Variants in PCNX3 observed in about 807,000 individuals in gnomAD.
The protein encoded by PCNX3 is pecanex-like protein 3.
A neutral mutation model predicts 207.2 loss-of-function variants in PCNX3; 58 were observed. The observed-to-expected ratio is 0.28, with a 90% CI of 0.23 to 0.35. The LOEUF is 0.35. PCNX3 is among the 10% of genes least tolerant of loss of function. The pLI is 1.00. For missense variants in PCNX3, 2,410 were observed against 2,774.4 expected (o/e 0.87, Z 2.95); for synonymous variants, 1,337 against 1,183.5 (o/e 1.13, Z -2.66).
At chr11:65,633,150 G>C (rs974924012) in intron 27 of PCNX3, among the ~76,000 whole-genome samples, 3 of 152,208 alleles carry the variant, frequency 2.0e-5, no homozygotes, top group Non-Finnish European at 4.4e-5. Context: ...CCCTGGCAAA[G>C]GGCCTGCCCC....
In PCNX3 at chr11:65,618,502, C is replaced by T. The variant is rs549683616; in HGVS notation, c.1140C>T (p.Val380=). The change falls in exon 6 of 35, where the codon GTC becomes GTT. Residue 380 remains valine (V), a synonymous_variant. Coordinates refer to ENST00000355703, the MANE Select transcript of PCNX3 (RefSeq NM_032223.4). ...CGGGCCTGGCTGAGCCGCTCCTGGT[C>T]GTGCGGCCCAAGGACTTGGCCCTGC... ...TPPGLAEPLL[V]VRPKDLALLR... 18 of 1,610,240 alleles carry T rather than the reference C, an allele frequency of 1.1e-5. No homozygotes were observed. Among genetic ancestry groups the T allele is most frequent in the South Asian group, 4.4e-5 (4 of 90,768 alleles).
rs1319016104 is a variant in PCNX3, at chr11:65,636,212, G to C, written c.5498G>C (p.Gly1833Ala). ...KGCGAGCNSG[G>A]NVDDSDCSGG... ...TGTGGCGCCGGCTGCAATAGTGGCGGGAACGTGGATGATTCAGACTGTAGT... is the reference window on the plus strand; with the variant it reads ...TGTGGCGCCGGCTGCAATAGTGGCGCGAACGTGGATGATTCAGACTGTAGT... The change falls in exon 33 of 35, where the codon GGG becomes GCG. Residue 1833 changes from glycine to alanine, a missense_variant. Physicochemically the swap from Gly to Ala is moderately conservative, Grantham distance 60. Coordinates refer to ENST00000355703, the MANE Select transcript of PCNX3 (RefSeq NM_032223.4). 3.2e-6 allele frequency: 5 copies of C among 1,583,070 alleles called. No homozygotes were observed. The South Asian group carries it at 4.6e-5, about 15-fold the overall frequency.
Position 65,625,335 on chromosome 11 carries a change from G to A in PCNX3, c.3029+55G>A. ...TCTGCCCAGTAGGGGTTTGTGGTCTGTGCATGTGCCCGTGACTGGGGCCGG... is the reference window on the plus strand; with the variant it reads ...TCTGCCCAGTAGGGGTTTGTGGTCTATGCATGTGCCCGTGACTGGGGCCGG... On this transcript the variant is annotated intron_variant, in intron 17 of 34. Transcript: ENST00000355703. This position sits in a 1 kb window ranked among gnomAD's most constrained non-coding sequence, Gnocchi z 5.6. The A allele has an allele frequency of 6.3e-7, 1 of 1,592,144 alleles. No homozygotes were observed. Among genetic ancestry groups the A allele is most frequent in the Non-Finnish European group, 8.6e-7 (1 of 1,169,172 alleles).
rs540706683 is a variant in PCNX3 at position 65,627,224 on chromosome 11, G to T, written c.3524+176G>T. Among the ~76,000 whole-genome samples, 65 of 152,302 alleles carry T rather than the reference G, an allele frequency of 4.3e-4. 1 individual carries two copies. Among genetic ancestry groups the T allele is most frequent in the Admixed American group, 3.7e-3 (57 of 15,302 alleles). On this transcript the variant is annotated intron_variant, in intron 21 of 34. Transcript: ENST00000355703. Reference sequence around the variant, plus strand: ...TGGTTGCTTCTTCAAAGGCAAATGTGTTCCCACCACTCCCTTTGGAAGAGC... The same window carrying T: ...TGGTTGCTTCTTCAAAGGCAAATGTTTTCCCACCACTCCCTTTGGAAGAGC...
At chr11:65,617,844 T>C (rs1854829435) in intron 5 of PCNX3, 96 bp from the exon 6 acceptor site, 4 of 1,466,258 alleles carry the variant, frequency 2.7e-6, no homozygotes, top group South Asian at 2.6e-5. Flanking sequence ...GTGGCTGGGC[T>C]CTCAGGGAAA....
intron 21 of PCNX3, 43 bp from the exon 22 acceptor site, chr11:65,627,362 C>T (rs1392105900): frequency 1.3e-6 from 2 of 1,588,002 alleles, no homozygotes; most frequent in South Asian, 1.1e-5. Context: ...ACCCACTGCC[C>T]CGGTCCCCTA....
rs757595729 is a variant in PCNX3 at position 65,618,398 on chromosome 11, C to A, written c.1036C>A (p.Pro346Thr). The A allele has an allele frequency of 1.2e-6, 2 of 1,612,762 alleles. No individual in the cohort carries two copies. Among genetic ancestry groups the A allele is most frequent in the Admixed American group, 3.3e-5 (2 of 60,024 alleles). The change falls in exon 6 of 35, where the codon CCT (proline) becomes ACT (threonine). Residue 346 changes from proline (P) to threonine (T), a missense_variant. Transcript: ENST00000355703. The stretch of plus-strand genomic sequence containing the variant: ...AGACCCACCCTCTGAGGCTGAGCTG[C>A]CTGCCTCACCAGACGCCGGGGTCCC... The part of the protein sequence containing the change: ...DTDPPSEAEL[P>T]ASPDAGVPSD...
intron 22 of PCNX3, among the ~76,000 whole-genome samples, chr11:65,628,360 A>G (rs1474579862): frequency 6.6e-6 from 1 of 152,230 alleles, no homozygotes; most frequent in East Asian, 1.9e-4. Context: ...AGAAGCTCAC[A>G]GGGTACTTGT....
intron 20 of PCNX3, 174 bp from the exon 21 acceptor site, chr11:65,626,729 TG>T: frequency 2.5e-6 from 2 of 810,464 alleles, no homozygotes; most frequent in South Asian, 1.8e-5. Flanking sequence ...AAGTGCCATG[TG>T]GAGCCCTTGC....
chr11:65,625,880 G>A lies in PCNX3; in HGVS notation c.3229-24G>A, dbSNP rs752702848. 1 of 1,608,572 alleles carries A rather than the reference G, an allele frequency of 6.2e-7. No individual in the cohort carries two copies. Among genetic ancestry groups the A allele is most frequent in the Non-Finnish European group, 8.5e-7 (1 of 1,176,816 alleles). ...CCCTTGGCCTGCTCCCATCAGCTGA[G>A]TCTCTGGCCTCTCCCTCCTGCAGTC... On this transcript the variant is annotated intron_variant, in intron 19 of 34. Coordinates refer to ENST00000355703, the MANE Select transcript of PCNX3 (RefSeq NM_032223.4). This position sits in a 1 kb window ranked among gnomAD's most constrained non-coding sequence, Gnocchi z 5.6.
At chr11:65,624,013 A>C in intron 13 of PCNX3, 52 bp downstream of exon 13, 1 of 1,605,224 alleles carries the variant, frequency 6.2e-7, no homozygotes, top group Non-Finnish European at 8.5e-7. Flanking sequence ...GGAGGGGCTG[A>C]GACCAGGTGG....
At chr11:65,636,094 G>A in intron 32 of PCNX3, 80 bp from the exon 33 acceptor site, 4 of 1,528,522 alleles carry the variant, frequency 2.6e-6, no homozygotes, top group Non-Finnish European at 3.6e-6. Context: ...GACTTGTCCT[G>A]GGGCTGAGGA....
rs1412145178 is a variant in PCNX3, at chr11:65,636,167, C to T, written c.5460-7C>T. The T allele has an allele frequency of 3.1e-6, 5 of 1,596,452 alleles. No individual in the cohort carries two copies. The highest frequency in any genetic ancestry group is 1.1e-5 in the South Asian group (1 of 88,316). ...TCCTGATCCCTTTTCTACCTCTCCA[C>T]CCCCAGGCTTCACAAGGGCTGTGGC... On this transcript the variant is annotated splice_region_variant and splice_polypyrimidine_tract_variant and intron_variant, in intron 32 of 34. Transcript: ENST00000355703.
rs915284917 is a variant in PCNX3, at chr11:65,616,002, C to G, written c.-310C>G. 1 of 212,830 alleles carries G rather than the reference C, an allele frequency of 4.7e-6. No individual in the cohort carries two copies. The highest frequency in any genetic ancestry group is 2.3e-5 in the African/African-American group (1 of 43,320). The allele number at this position is 212,830 out of a possible 1,614,324, so 13.2% of individuals were successfully genotyped here. ...ACCTCTGGATGCCGCCGACGGGTAC[C>G]CGGCCCGTGCCCCGCGCCTGCCTGC... On this transcript the variant is annotated 5_prime_UTR_variant, in exon 1 of 35. Transcript: ENST00000355703.
Position 65,636,237 on chromosome 11 carries a change from T to C in PCNX3, c.5523T>C (p.Ser1841=). The change falls in exon 33 of 35, where the codon AGT becomes AGC. Residue 1841 remains serine, a synonymous_variant. Transcript: ENST00000355703. ...GGAACGTGGATGATTCAGACTGTAG[T>C]GGGGGCGGTGGCCTGACCTCCCTCA... ...SGGNVDDSDC[S]GGGGLTSLSN... is the part of the protein sequence containing the mutation. The C allele has an allele frequency of 6.3e-7, 1 of 1,583,596 alleles. No individual in the cohort carries two copies. Among genetic ancestry groups the C allele is most frequent in the Non-Finnish European group, 8.6e-7 (1 of 1,164,684 alleles).
chr11:65,627,321 G>A (rs957678319), intron 21 of PCNX3, 84 bp from the exon 22 acceptor site: 54 of 1,443,696 alleles, frequency 3.7e-5, no homozygotes, highest in Middle Eastern at 2.4e-4. Flanking sequence ...GTTGCTCTCC[G>A]GCCAGAGTAG....
chr11:65,634,687 A>G, intron 29 of PCNX3, 46 bp downstream of exon 29: 1 of 1,483,268 alleles, frequency 6.7e-7, no homozygotes, highest in Non-Finnish European at 9.1e-7. Context: ...TCCCCACCCC[A>G]CCTCTTCCAC....
intron 27 of PCNX3, among the ~76,000 whole-genome samples, chr11:65,631,161 T>G (rs955396857): frequency 6.6e-6 from 1 of 151,702 alleles, no homozygotes; most frequent in African/African-American, 2.4e-5. Flanking sequence ...CCACAGAGCT[T>G]TCCTGCCTTA....
chr11:65,624,073 C>T (rs936358536), intron 13 of PCNX3, 112 bp downstream of exon 13: 142 of 1,569,688 alleles, frequency 9.0e-5, no homozygotes, highest in Non-Finnish European at 1.1e-4. Flanking sequence ...ACCCCCATCA[C>T]CCCCACCTGG....
Sources: gnomAD v4.1 joint callset for allele counts (sites outside exome capture counted in the v4.1 genomes callset) on GRCh38, gnomAD v4.1.1 for gene constraint, Gnocchi (gnomAD v3.1) non-coding constraint, MANE v1.5 for transcripts, NCBI Gene and HGNC (gene_info 2026-07-23, HGNC 2026-07-21) for gene names.